Variants in LRRTM4 observed in about 807,000 individuals in gnomAD.
LRRTM4 encodes the protein leucine-rich repeat transmembrane neuronal protein 4.
A neutral mutation model predicts 47.6 loss-of-function variants in LRRTM4; 25 were observed. That is an observed-to-expected ratio of 0.53 (90% CI 0.38 to 0.73). The LOEUF is 0.73. Among genes scored for constraint, LRRTM4 ranks in the 30% least tolerant of loss-of-function variants. The pLI, the probability that LRRTM4 is intolerant of heterozygous loss-of-function variation, is 0.00. For synonymous variants in LRRTM4, 311 were observed against 269.5 expected (o/e 1.15, Z -1.51); for missense variants, 638 against 713.4 (o/e 0.89, Z 1.20).
chr2:76,955,290 C>A (rs987972394), intron 3 of LRRTM4, among the ~76,000 whole-genome samples: 9 of 151,416 alleles, frequency 5.9e-5, no homozygotes, highest in Non-Finnish European at 1.5e-5. Flanking sequence ...AATTGACACA[C>A]AATATAAAAA....
chr2:77,201,630 G>C (rs1369466445), intron 3 of LRRTM4, among the ~76,000 whole-genome samples: 2 of 152,084 alleles, frequency 1.3e-5, no homozygotes, highest in African/African-American at 4.8e-5. Flanking sequence ...GAAAAGGTTA[G>C]TGTTCTTTTA....
At chr2:77,180,057 AG>A (rs1347240538) in intron 3 of LRRTM4, among the ~76,000 whole-genome samples, 13 of 152,192 alleles carry the variant, frequency 8.5e-5, no homozygotes, top group Non-Finnish European at 4.4e-5. Context: ...ATTGCTTATA[AG>A]ATTTGATCTT....
In LRRTM4 at chr2:76,802,141, A is replaced by G. The variant is rs1277361062; in HGVS notation, c.1552-53225T>C. ...AGCCCGAGCAATTAGGCAAGGGAAA[A>G]GAATAAAAGTCATCTAAACTGGAGA... On this transcript the variant is annotated intron_variant, in intron 3 of 3. Coordinates refer to ENST00000409884, the MANE Select transcript of LRRTM4 (RefSeq NM_001134745.3). 4.6e-5 allele frequency among the ~76,000 whole-genome samples: 7 copies of G among 152,186 alleles called. No homozygotes were observed. The East Asian group carries it at 1.4e-3, about 29-fold the overall frequency.
Position 77,286,611 on chromosome 2 carries a change from A to G in LRRTM4, c.1551+231707T>C, listed in dbSNP as rs371235524. Among the ~76,000 whole-genome samples, 24 of 151,918 alleles carry G rather than the reference A, an allele frequency of 1.6e-4. No individual in the cohort carries two copies. In the South Asian group the frequency reaches 4.3e-3, roughly 28 times the overall value. ...CAACAAAATATATATAAGAAAAAAA[A>G]AAACTCTAGCAAAGAAGAAAGTCAT... On this transcript the variant is annotated intron_variant, in intron 3 of 3. Transcript: ENST00000409884.
intron 3 of LRRTM4, among the ~76,000 whole-genome samples, chr2:76,855,174 G>A (rs553432279): frequency 3.3e-5 from 5 of 152,292 alleles, no homozygotes; most frequent in Non-Finnish European, 5.9e-5. Context: ...CAGGAGCAAC[G>A]TTAGCAAGAA....
chr2:76,949,520 T>C (rs530719349), intron 3 of LRRTM4, among the ~76,000 whole-genome samples: 1 of 152,018 alleles, frequency 6.6e-6, no homozygotes, highest in South Asian at 2.1e-4. Context: ...GATAACATTT[T>C]CAGCCAGACT....
chr2:76,881,788 C>A (rs1286327082), intron 3 of LRRTM4, among the ~76,000 whole-genome samples: 1 of 152,082 alleles, frequency 6.6e-6, no homozygotes, highest in East Asian at 1.9e-4. Flanking sequence ...TATTGTTAAA[C>A]TTTTTTCCTA....
chr2:76,801,481 A>G, intron 3 of LRRTM4, among the ~76,000 whole-genome samples: 1 of 152,074 alleles, frequency 6.6e-6, no homozygotes, highest in Non-Finnish European at 1.5e-5. Context: ...ACATGGACAC[A>G]GGAAGGAGAA....
intron 3 of LRRTM4, among the ~76,000 whole-genome samples, chr2:76,878,603 C>T (rs547247784): frequency 3.6e-4 from 55 of 152,194 alleles, no homozygotes; most frequent in African/African-American, 1.2e-3. Flanking sequence ...GTGGCTCATG[C>T]CTGCAATCCC....
chr2:77,093,754 A>C, intron 3 of LRRTM4, among the ~76,000 whole-genome samples: 1 of 152,024 alleles, frequency 6.6e-6, no homozygotes. Context: ...CTGAAGAATC[A>C]CAAAAGAAGT....
At chr2:77,436,344 C>A (rs932649464) in intron 3 of LRRTM4, among the ~76,000 whole-genome samples, 1 of 151,988 alleles carries the variant, frequency 6.6e-6, no homozygotes, top group Non-Finnish European at 1.5e-5. Context: ...ATCCTAAATA[C>A]AGAAAATCAT....
At chr2:76,806,408 C>G (rs1402318796) in intron 3 of LRRTM4, among the ~76,000 whole-genome samples, 1 of 151,966 alleles carries the variant, frequency 6.6e-6, no homozygotes, top group Non-Finnish European at 1.5e-5. Flanking sequence ...GTGGTGAAAC[C>G]CCGTCTCTAC....
chr2:77,334,557 T>G (rs1671091415), intron 3 of LRRTM4, among the ~76,000 whole-genome samples: 1 of 152,208 alleles, frequency 6.6e-6, no homozygotes, highest in Non-Finnish European at 1.5e-5. Flanking sequence ...AAGATGTGAC[T>G]TACTCCTCCT....
At chr2:76,776,209 A>G in intron 3 of LRRTM4, among the ~76,000 whole-genome samples, 1 of 152,220 alleles carries the variant, frequency 6.6e-6, no homozygotes, top group Non-Finnish European at 1.5e-5. Context: ...ATAATGCCGC[A>G]ATAAACATAC....
intron 3 of LRRTM4, among the ~76,000 whole-genome samples, chr2:77,461,809 C>A (rs1234537213): frequency 1.3e-5 from 2 of 151,956 alleles, no homozygotes; most frequent in African/African-American, 4.8e-5. Flanking sequence ...ACTGAGCAAC[C>A]AACAGAAAGA....
At chr2:77,373,800 C>A (rs904118818) in intron 3 of LRRTM4, among the ~76,000 whole-genome samples, 1 of 151,618 alleles carries the variant, frequency 6.6e-6, no homozygotes, top group Admixed American at 6.6e-5. Context: ...GGGTTTCTTG[C>A]GGAGATACAT....
chr2:76,809,408 G>C (rs1336105154), intron 3 of LRRTM4, among the ~76,000 whole-genome samples: 1 of 151,980 alleles, frequency 6.6e-6, no homozygotes, highest in Non-Finnish European at 1.5e-5. Flanking sequence ...CTTCTTTTAA[G>C]TGCTCAGGAC....
chr2:77,106,809 G>T (rs987608115), intron 3 of LRRTM4, among the ~76,000 whole-genome samples: 4 of 151,682 alleles, frequency 2.6e-5, no homozygotes, highest in African/African-American at 9.7e-5. Flanking sequence ...TAATAATGAG[G>T]GTAAGTGGAC....
At chr2:76,826,307 G>A (rs1432429338) in intron 3 of LRRTM4, among the ~76,000 whole-genome samples, 2 of 151,600 alleles carry the variant, frequency 1.3e-5, no homozygotes, top group Non-Finnish European at 3.0e-5. Context: ...AAAGAATTTA[G>A]GGCTAGGAAT....
Sources: allele counts gnomAD v4.1 joint callset (sites outside exome capture counted in the v4.1 genomes callset), GRCh38; gene constraint gnomAD v4.1.1; transcripts MANE v1.5; gene names NCBI Gene and HGNC (gene_info 2026-07-23, HGNC 2026-07-21).